SEC14L5: variants seen among roughly 807,000 people sequenced by gnomAD.
The protein encoded by SEC14L5 is SEC14 like lipid binding 5.
Under a neutral mutation model 84.6 loss-of-function variants are expected in SEC14L5, and 96 were observed. The observed-to-expected ratio is 1.13, with a 90% CI of 0.96 to 1.34. The LOEUF is 1.34. Ranked by LOEUF, SEC14L5 falls within the 40% of genes most tolerant of loss-of-function variation. The pLI, the probability that SEC14L5 is intolerant of heterozygous loss-of-function variation, is 0.00. For synonymous variants in SEC14L5, 546 were observed against 383.4 expected (o/e 1.42, Z -4.95); for missense variants, 1,224 against 942.5 (o/e 1.30, Z -3.91).
Position 5,000,680 on chromosome 16 carries a change from C to A in SEC14L5, c.996C>A (p.Arg332=). ...ATGGCCGCCCCCTCTACATCCTCCG[C>A]CTGGGCCAGATGGACACCAAAGGCT... The part of the protein sequence containing the change: ...DIDGRPLYIL[R]LGQMDTKGLM... The change falls in exon 9 of 16, where the codon CGC becomes CGA. Residue 332 remains arginine (R), a synonymous_variant. Transcript: ENST00000251170. The A allele has an allele frequency of 1.9e-6, 3 of 1,551,908 alleles. No individual in the cohort carries two copies. The highest frequency in any genetic ancestry group is 1.7e-4 in the Middle Eastern group (1 of 5,992).
intron 3 of SEC14L5, 38 bp from the exon 4 acceptor site, chr16:4,988,111 G>GCCC: frequency 6.2e-7 from 1 of 1,608,228 alleles, no homozygotes. Context: ...GCTCCACGCC[G>GCCC]CCCACCCACC....
intron 2 of SEC14L5, among the ~76,000 whole-genome samples, chr16:4,976,141 A>G (rs1338570093): frequency 6.6e-6 from 1 of 152,234 alleles, no homozygotes; most frequent in Non-Finnish European, 1.5e-5. Flanking sequence ...ACCATGTGCC[A>G]GGCACTGCTC....
At chr16:5,014,820 CTG>C (rs1955852609) in intron 15 of SEC14L5, 37 bp from the exon 16 acceptor site, 1 of 1,515,642 alleles carries the variant, frequency 6.6e-7, no homozygotes, top group South Asian at 1.1e-5. Flanking sequence ...GGCCTTGTCA[CTG>C]TGAGAGGGTA....
intron 10 of SEC14L5, among the ~76,000 whole-genome samples, chr16:5,002,187 C>G (rs528181136): frequency 2.6e-5 from 4 of 152,338 alleles, no homozygotes; most frequent in Admixed American, 1.3e-4. Context: ...GATTCATTTC[C>G]TCCTCCTAAA....
intron 15 of SEC14L5, among the ~76,000 whole-genome samples, chr16:5,014,154 C>G (rs927401002): frequency 1.3e-5 from 2 of 152,238 alleles, no homozygotes; most frequent in Non-Finnish European, 2.9e-5. Context: ...AGGAACAATT[C>G]AGTGCCTCAG....
chr16:4,958,985 G>A (rs1955086475), intron 1 of SEC14L5, among the ~76,000 whole-genome samples: 1 of 151,960 alleles, frequency 6.6e-6, no homozygotes, highest in Admixed American at 6.6e-5. Flanking sequence ...TGTCTGTGTG[G>A]GTGGCCGTAA....
intron 2 of SEC14L5, among the ~76,000 whole-genome samples, chr16:4,975,281 G>A (rs374648739): frequency 6.6e-6 from 1 of 151,598 alleles, no homozygotes; most frequent in African/African-American, 2.4e-5. Flanking sequence ...GACCATCCTG[G>A]CTAACACGGT....
rs1385877829 is a variant in SEC14L5 at position 4,996,987 on chromosome 16, C to T, written c.913C>T (p.Gln305Ter). 1.2e-6 allele frequency: 2 copies of T among 1,613,414 alleles called. No individual in the cohort carries two copies. Among genetic ancestry groups the T allele is most frequent in the South Asian group, 1.1e-5 (1 of 90,966 alleles). Reference sequence around the variant, plus strand: ...GGTGGATCTCCTCCTTCAGACCTGGCAACCCCCTGCCCTGCTGGAGGAGTT... The same window carrying T: ...GGTGGATCTCCTCCTTCAGACCTGGTAACCCCCTGCCCTGCTGGAGGAGTT... The part of the protein sequence containing the change: ...HQVDLLLQTW[Q>*]PPALLEEFYA... The change falls in exon 8 of 16, where the codon CAA becomes TAA. Residue 305 changes from glutamine to a stop codon, truncating the protein, a stop_gained. Coordinates refer to ENST00000251170, the MANE Select transcript of SEC14L5 (RefSeq NM_014692.2). LOFTEE classifies it high-confidence loss of function.
intron 6 of SEC14L5, 80 bp downstream of exon 6, chr16:4,992,110 T>C (rs1596631236): frequency 2.0e-6 from 2 of 996,564 alleles, no homozygotes; most frequent in Non-Finnish European, 2.8e-6. Flanking sequence ...CTGGGGCATG[T>C]TGGGGAGAAT....
At chr16:4,987,873 GCCCAGGAGGGGCGAGGGC>G (rs1955509832) in intron 3 of SEC14L5, among the ~76,000 whole-genome samples, 167 bp downstream of exon 3, 1 of 152,150 alleles carries the variant, frequency 6.6e-6, no homozygotes, top group African/African-American at 2.4e-5. Flanking sequence ...CGGGACCAGG[GCCCAGGAGGGGCGAGGGC>G]TGGAAGGCTG....
chr16:5,008,689 A>C, intron 14 of SEC14L5, 41 bp downstream of exon 14: 1 of 1,546,364 alleles, frequency 6.5e-7, no homozygotes, highest in Non-Finnish European at 8.9e-7. Flanking sequence ...ACCAAGCAGC[A>C]CTGAGTGTCC....
chr16:4,969,517 G>A (rs1043201601), intron 2 of SEC14L5, among the ~76,000 whole-genome samples: 10 of 151,976 alleles, frequency 6.6e-5, no homozygotes, highest in Admixed American at 2.6e-4. Flanking sequence ...CCAAGTAGAC[G>A]GGATTACAGG....
chr16:4,992,913 C>T (rs910982977), intron 6 of SEC14L5, among the ~76,000 whole-genome samples: 1 of 152,160 alleles, frequency 6.6e-6, no homozygotes, highest in Admixed American at 6.5e-5. Context: ...AGAACATATA[C>T]ATTCCATTTG....
rs869061549 is a variant in SEC14L5 at position 4,967,562 on chromosome 16, G to GTTTTTTTTTTTT, written c.63+8195_63+8206dup. 5.4e-5 allele frequency among the ~76,000 whole-genome samples: 2 copies of GTTTTTTTTTTTT among 37,064 alleles called. 1 individual carries two copies. The highest frequency in any genetic ancestry group is 1.1e-4 in the Non-Finnish European group (2 of 18,304). The allele number at this position is 37,064 out of a possible 152,430, so 24.3% of individuals were successfully genotyped here. A position where few individuals can be genotyped will look rare whatever the true frequency, so the allele number is the denominator to read the frequency against. On this transcript the variant is annotated intron_variant, in intron 2 of 15. Transcript: ENST00000251170. ...TCTGGCTCTGACTTTTCTTTCTTTC[G>GTTTTTTTTTTTT]TTTTTTTTTTTTTTTTTTTTTTTTT...
intron 2 of SEC14L5, among the ~76,000 whole-genome samples, chr16:4,986,485 A>G (rs1955488553): frequency 6.6e-6 from 1 of 152,014 alleles, no homozygotes; most frequent in Non-Finnish European, 1.5e-5. Flanking sequence ...GAGTTCTCCA[A>G]TTTTGCTCTT....
At chr16:4,967,016 G>T (rs1955208608) in intron 2 of SEC14L5, among the ~76,000 whole-genome samples, 1 of 152,234 alleles carries the variant, frequency 6.6e-6, no homozygotes, top group African/African-American at 2.4e-5. Flanking sequence ...ATAGCAGCCT[G>T]ATCTGTAGCA....
intron 2 of SEC14L5, among the ~76,000 whole-genome samples, chr16:4,983,906 AAAT>A (rs148493570): frequency 0.22 from 31,485 of 140,776 alleles, 3,747 homozygotes; most frequent in Admixed American, 0.27. Flanking sequence ...ATAAATAAAT[AAAT>A]AAATAAATAG....
At chr16:5,005,316 G>A (rs1260072460) in intron 11 of SEC14L5, among the ~76,000 whole-genome samples, 2 of 149,892 alleles carry the variant, frequency 1.3e-5, no homozygotes, top group East Asian at 2.0e-4. Context: ...CTCTGTCTCC[G>A]AAACAAAAAC....
intron 15 of SEC14L5, among the ~76,000 whole-genome samples, chr16:5,012,544 T>A (rs1955817654): frequency 6.6e-6 from 1 of 152,158 alleles, no homozygotes; most frequent in African/African-American, 2.4e-5. Flanking sequence ...CACCCAAGTA[T>A]AACTATGGGC....
Sources: allele counts gnomAD v4.1 joint callset (sites outside exome capture counted in the v4.1 genomes callset), GRCh38; gene constraint gnomAD v4.1.1; transcripts MANE v1.5; gene names NCBI Gene and HGNC (gene_info 2026-07-23, HGNC 2026-07-21).